DLG2: variants seen among roughly 807,000 people sequenced by gnomAD.
DLG2 encodes the protein disks large homolog 2.
DLG2 carries 45 observed loss-of-function variants against 132.5 expected under a neutral mutation model. The observed-to-expected ratio is 0.34, with a 90% CI of 0.27 to 0.44. DLG2 has a LOEUF of 0.44. Among genes scored for constraint, DLG2 ranks in the 20% least tolerant of loss-of-function variants. The probability of loss-of-function intolerance (pLI) is 1.00; values close to 1 mark genes in which losing one functional copy is unlikely to be tolerated. For missense variants in DLG2, 1,045 were observed against 1,196.9 expected (o/e 0.87, Z 1.87); for synonymous variants, 424 against 419.6 (o/e 1.01, Z -0.13).
intron 3 of DLG2, among the ~76,000 whole-genome samples, chr11:85,521,157 A>G (rs116251845): frequency 0.015 from 2,312 of 152,312 alleles, 52 homozygotes; most frequent in African/African-American, 0.051. Context: ...TTGAGTTGTA[A>G]TCCTAATTAT....
At chr11:84,008,925 T>G (rs1016492197) in intron 11 of DLG2, among the ~76,000 whole-genome samples, 6 of 141,830 alleles carry the variant, frequency 4.2e-5, no homozygotes, top group African/African-American at 1.7e-4. Context: ...TTTTTCTTGT[T>G]TTTTTTTTTT....
chr11:84,555,821 C>G (rs2099410825), intron 6 of DLG2, among the ~76,000 whole-genome samples: 1 of 152,146 alleles, frequency 6.6e-6, no homozygotes, highest in Non-Finnish European at 1.5e-5. Context: ...GAATTTTTTA[C>G]TACAATTTTT....
At chr11:84,695,409 C>T (rs534241578) in intron 6 of DLG2, among the ~76,000 whole-genome samples, 5 of 151,702 alleles carry the variant, frequency 3.3e-5, no homozygotes, top group African/African-American at 1.2e-4. Context: ...CCTAAACACT[C>T]AACTTTGGGA....
intron 3 of DLG2, among the ~76,000 whole-genome samples, chr11:85,478,666 T>C (rs748441631): frequency 4.1e-4 from 63 of 152,152 alleles, no homozygotes; most frequent in Admixed American, 1.0e-3. Context: ...CTGCCTCCCA[T>C]TGTTGTTAGG....
chr11:84,287,446 T>G lies in DLG2; in HGVS notation c.520-36155A>C, dbSNP rs146233334. Among the ~76,000 whole-genome samples, 305 of 152,212 alleles carry G rather than the reference T, an allele frequency of 2.0e-3. 2 individuals are homozygous for G. Among genetic ancestry groups the G allele is most frequent in the South Asian group, 0.013 (63 of 4,826 alleles). The stretch of plus-strand genomic sequence containing the variant: ...GCTTTGGACTTCTTAGGAATACTCT[T>G]CTTTTCTTTTCAAACCATAGAATTT... On this transcript the variant is annotated intron_variant, in intron 7 of 27. Transcript: ENST00000376104.
rs751877171 is a variant in DLG2 at position 83,980,529 on chromosome 11, G to C, written c.1033C>G (p.Gln345Glu). The C allele has an allele frequency of 1.2e-6, 2 of 1,613,430 alleles. No individual in the cohort carries two copies. Among genetic ancestry groups the C allele is most frequent in the African/African-American group, 2.7e-5 (2 of 74,852 alleles). ...ACCATTAGTAGTCTATCTCCTACTTGCAACCTTCCATCTTTTTGTGCAGCT... is the reference window on the plus strand; with the variant it reads ...ACCATTAGTAGTCTATCTCCTACTTCCAACCTTCCATCTTTTTGTGCAGCT... The part of the protein sequence containing the change: ...GGAAQKDGRL[Q>E]VGDRLLMVNN... Residue 345 changes from glutamine (Q) to glutamate (E), a missense_variant, in exon 12 of 28, where the codon CAA (glutamine) becomes GAA (glutamate). Coordinates refer to ENST00000376104, the MANE Select transcript of DLG2 (RefSeq NM_001142699.3).
chr11:84,206,643 T>C (rs2096669244), intron 8 of DLG2, among the ~76,000 whole-genome samples: 1 of 152,028 alleles, frequency 6.6e-6, no homozygotes, highest in African/African-American at 2.4e-5. Flanking sequence ...AGAAAATTCA[T>C]ATAGTCATCT....
intron 8 of DLG2, among the ~76,000 whole-genome samples, chr11:84,203,132 T>C (rs999160443): frequency 3.9e-5 from 6 of 151,930 alleles, no homozygotes; most frequent in African/African-American, 1.5e-4. Context: ...AAAAGAAATA[T>C]AAAAAATTCT....
chr11:84,486,164 T>A (rs371612056), intron 7 of DLG2, among the ~76,000 whole-genome samples: 1 of 152,150 alleles, frequency 6.6e-6, no homozygotes, highest in African/African-American at 2.4e-5. Context: ...GTCTTTGTCA[T>A]GCCTTCCCTA....
chr11:85,442,907 GGAA>G (rs1229355753), intron 3 of DLG2, among the ~76,000 whole-genome samples: 2 of 151,494 alleles, frequency 1.3e-5, no homozygotes, highest in Admixed American at 6.6e-5. Context: ...GAAGAAGAAG[GGAA>G]GAAGAAGAAA....
intron 6 of DLG2, among the ~76,000 whole-genome samples, chr11:84,729,217 G>A (rs1037724221): frequency 3.9e-5 from 6 of 152,020 alleles, no homozygotes; most frequent in African/African-American, 1.4e-4. Flanking sequence ...TCTCTTGTGG[G>A]CATTTAGTGC....
At chr11:85,105,052 G>A (rs565402083) in intron 6 of DLG2, among the ~76,000 whole-genome samples, 6 of 151,832 alleles carry the variant, frequency 4.0e-5, no homozygotes, top group African/African-American at 1.2e-4. Context: ...CAATTTTACC[G>A]TGTGCCTATC....
At chr11:83,789,985 C>T (rs2041101619) in intron 17 of DLG2, 4 of 1,366,602 alleles carry the variant, frequency 2.9e-6, no homozygotes, top group Non-Finnish European at 2.9e-6. Flanking sequence ...AGTGCTTCTC[C>T]TGTAAATAAT....
intron 6 of DLG2, among the ~76,000 whole-genome samples, chr11:84,855,910 C>A (rs1195227122): frequency 6.6e-6 from 1 of 151,980 alleles, no homozygotes; most frequent in Non-Finnish European, 1.5e-5. Flanking sequence ...TTTCATAGAA[C>A]CACAGAATCT....
At chr11:84,526,213 T>C (rs1052718588) in intron 7 of DLG2, among the ~76,000 whole-genome samples, 1 of 152,202 alleles carries the variant, frequency 6.6e-6, no homozygotes, top group Non-Finnish European at 1.5e-5. Flanking sequence ...GTAAAGGCTC[T>C]GAGAAATCCT....
At chr11:84,479,088 CAG>C (rs1252689110) in intron 7 of DLG2, among the ~76,000 whole-genome samples, 4 of 152,048 alleles carry the variant, frequency 2.6e-5, no homozygotes, top group African/African-American at 9.7e-5. Flanking sequence ...TTGCTCATAA[CAG>C]AGGAAAAGTG....
chr11:85,052,997 G>A (rs182626850), intron 6 of DLG2, among the ~76,000 whole-genome samples: 2 of 151,906 alleles, frequency 1.3e-5, no homozygotes, highest in Non-Finnish European at 2.9e-5. Context: ...ACTACATTAC[G>A]CTTTTTAAAT....
intron 3 of DLG2, among the ~76,000 whole-genome samples, chr11:85,406,069 T>C (rs1421389166): frequency 6.6e-6 from 1 of 151,942 alleles, no homozygotes; most frequent in Non-Finnish European, 1.5e-5. Context: ...TCATAGTGAG[T>C]ACTGAATTTC....
intron 6 of DLG2, chr11:84,890,622 C>T (rs995745888): frequency 6.6e-6 from 1 of 152,152 alleles, no homozygotes; most frequent in African/African-American, 2.4e-5. Context: ...GTCTAGAGTT[C>T]CCCCACCTGC....
Sources: gnomAD v4.1 joint callset for allele counts (sites outside exome capture counted in the v4.1 genomes callset) on GRCh38, gnomAD v4.1.1 for gene constraint, MANE v1.5 for transcripts, NCBI Gene and HGNC (gene_info 2026-07-23, HGNC 2026-07-21) for gene names.